PRKCQ: variants seen among roughly 807,000 people sequenced by gnomAD.
PRKCQ encodes the protein protein kinase C theta type.
PRKCQ carries 41 observed loss-of-function variants against 91.2 expected under a neutral mutation model. The ratio of observed to expected loss-of-function variants is 0.45; its 90% CI spans 0.35 to 0.58. The LOEUF (loss-of-function observed/expected upper bound fraction) is 0.58, where lower values mean the gene tolerates loss of function less well. Ranked by LOEUF, PRKCQ falls within the 20% of genes least tolerant of loss-of-function variation. The pLI, the probability that PRKCQ is intolerant of heterozygous loss-of-function variation, is 0.00. For missense variants in PRKCQ, 673 were observed against 896.5 expected (o/e 0.75, Z 3.18); for synonymous variants, 307 against 316.9 (o/e 0.97, Z 0.33).
intron 1 of PRKCQ, among the ~76,000 whole-genome samples, chr10:6,567,278 G>A (rs939051532): frequency 6.6e-6 from 1 of 152,244 alleles, no homozygotes; most frequent in African/African-American, 2.4e-5. Context: ...GGCAAATAGT[G>A]TTTCATGAAC....
At chr10:6,552,091 A>G (rs1332783005) in intron 1 of PRKCQ, among the ~76,000 whole-genome samples, 1 of 151,940 alleles carries the variant, frequency 6.6e-6, no homozygotes, top group Admixed American at 6.6e-5. Flanking sequence ...ACTTTTTTTC[A>G]TATGCTTGTT....
At chr10:6,503,909 T>C (rs1197872528) in intron 4 of PRKCQ, among the ~76,000 whole-genome samples, 2 of 152,106 alleles carry the variant, frequency 1.3e-5, no homozygotes, top group East Asian at 3.9e-4. Flanking sequence ...CTCAAGTAGG[T>C]GGGACTACAG....
intron 12 of PRKCQ, among the ~76,000 whole-genome samples, chr10:6,470,676 C>T (rs1162499207): frequency 2.0e-5 from 3 of 152,088 alleles, no homozygotes; most frequent in African/African-American, 7.2e-5. Context: ...AGAGGCCAAG[C>T]GCGGTGGCTC....
At chr10:6,561,590 G>C (rs1404279550) in intron 1 of PRKCQ, among the ~76,000 whole-genome samples, 1 of 152,110 alleles carries the variant, frequency 6.6e-6, no homozygotes, top group Admixed American at 6.5e-5. Flanking sequence ...AAGTTACAAA[G>C]GCCTATGCCA....
At chr10:6,570,930 C>T (rs1841019432) in intron 1 of PRKCQ, among the ~76,000 whole-genome samples, 1 of 152,102 alleles carries the variant, frequency 6.6e-6, no homozygotes, top group Non-Finnish European at 1.5e-5. Flanking sequence ...AGGCGTGCAG[C>T]CCTGTGATCC....
intron 4 of PRKCQ, among the ~76,000 whole-genome samples, 158 bp from the exon 5 acceptor site, chr10:6,498,716 A>C (rs1347334152): frequency 6.6e-6 from 1 of 152,230 alleles, no homozygotes; most frequent in African/African-American, 2.4e-5. Context: ...TGGGTACCAC[A>C]CTAAGCATCT....
chr10:6,549,578 T>C (rs549950583), intron 1 of PRKCQ, among the ~76,000 whole-genome samples: 37 of 152,206 alleles, frequency 2.4e-4, no homozygotes, highest in African/African-American at 7.2e-4. Flanking sequence ...ACTGCAATTA[T>C]GTAGCTTTTC....
intron 15 of PRKCQ, among the ~76,000 whole-genome samples, chr10:6,445,285 G>C (rs1312271142): frequency 6.6e-6 from 1 of 152,136 alleles, no homozygotes; most frequent in East Asian, 1.9e-4. Context: ...CTGGGAGACA[G>C]ATCAGTGCTA....
intron 12 of PRKCQ, among the ~76,000 whole-genome samples, chr10:6,473,693 C>G (rs1021378172): frequency 2.6e-5 from 4 of 152,174 alleles, no homozygotes; most frequent in African/African-American, 9.7e-5. Context: ...TCCAGGGCTC[C>G]TAGCTCAACT....
In PRKCQ at chr10:6,547,419, C is replaced by T. The variant is rs566832228; in HGVS notation, c.-9-32275G>A. ...TATGGAACCAAAAAAGAGCCCGCAT[C>T]GCCAAGTCAATCCTAAGCCAAAAGA... is the stretch of plus-strand genomic sequence containing the variant. On this transcript the variant is annotated intron_variant, in intron 1 of 17. Coordinates refer to ENST00000263125, the MANE Select transcript of PRKCQ (RefSeq NM_006257.5). 2.2e-3 allele frequency among the ~76,000 whole-genome samples: 328 copies of T among 151,798 alleles called. 2 individuals are homozygous for T. Among genetic ancestry groups the T allele is most frequent in the African/African-American group, 7.4e-3 (308 of 41,346 alleles).
At chr10:6,447,728 T>C (rs1291329855) in intron 15 of PRKCQ, among the ~76,000 whole-genome samples, 1 of 152,192 alleles carries the variant, frequency 6.6e-6, no homozygotes, top group African/African-American at 2.4e-5. Context: ...AGCAGTTGTG[T>C]GTTCCTGTGT....
chr10:6,417,373 A>G, the PRKCQ span, among the ~76,000 whole-genome samples: 1 of 151,554 alleles, frequency 6.6e-6, no homozygotes, highest in South Asian at 2.1e-4. Context: ...GCAGCACTGG[A>G]AAAAAACCAA....
chr10:6,522,994 A>T (rs1379493064), intron 1 of PRKCQ, among the ~76,000 whole-genome samples: 2 of 152,182 alleles, frequency 1.3e-5, no homozygotes, highest in African/African-American at 2.4e-5. Flanking sequence ...ATAAAAAAAA[A>T]CTTTTTCACA....
chr10:6,415,730 T>TTCTC, the PRKCQ span, among the ~76,000 whole-genome samples: 2 of 134,014 alleles, frequency 1.5e-5, no homozygotes, highest in Non-Finnish European at 3.2e-5. Context: ...CTGCTAATGT[T>TTCTC]TCTCTCTCTC....
At chr10:6,467,075 C>T (rs1835692893) in intron 12 of PRKCQ, among the ~76,000 whole-genome samples, 1 of 151,960 alleles carries the variant, frequency 6.6e-6, no homozygotes, top group Non-Finnish European at 1.5e-5. Context: ...CCTCAGTGGG[C>T]AATTGATAAC....
intron 1 of PRKCQ, among the ~76,000 whole-genome samples, chr10:6,557,877 T>A (rs747158687): frequency 3.9e-5 from 6 of 152,208 alleles, no homozygotes; most frequent in Non-Finnish European, 8.8e-5. Flanking sequence ...TTCTCCTTCA[T>A]CTTCATCTCC....
At chr10:6,461,626 T>C (rs1004507607) in intron 14 of PRKCQ, among the ~76,000 whole-genome samples, 1 of 152,180 alleles carries the variant, frequency 6.6e-6, no homozygotes, top group Non-Finnish European at 1.5e-5. Context: ...AGATCCTTCC[T>C]TGTTAAGTGA....
chr10:6,489,179 G>A (rs996688885), intron 8 of PRKCQ, among the ~76,000 whole-genome samples: 1 of 151,930 alleles, frequency 6.6e-6, no homozygotes, highest in Non-Finnish European at 1.5e-5. Flanking sequence ...GCCCTATTTA[G>A]AAGGTGTCAG....
chr10:6,485,302 C>T (rs1435111247), intron 9 of PRKCQ, 33 bp from the exon 10 acceptor site: 4 of 1,555,682 alleles, frequency 2.6e-6, no homozygotes, highest in Non-Finnish European at 3.5e-6. Context: ...GACCACCCAC[C>T]CACCCACCAT....
Sources: allele counts gnomAD v4.1 joint callset (sites outside exome capture counted in the v4.1 genomes callset), GRCh38; gene constraint gnomAD v4.1.1; transcripts MANE v1.5; gene names NCBI Gene and HGNC (gene_info 2026-07-23, HGNC 2026-07-21).